The following CNBD1 variants were observed in gnomAD, a reference collection of about 807,000 sequenced individuals.
CNBD1 encodes the protein cyclic nucleotide binding domain containing 1.
A neutral mutation model predicts 54.4 loss-of-function variants in CNBD1; 71 were observed. The observed-to-expected ratio is 1.30, with a 90% CI of 1.08 to 1.59. CNBD1 has a LOEUF of 1.59. CNBD1 is among the 40% of genes most tolerant of loss of function. The probability of loss-of-function intolerance (pLI) is 0.00; values close to 1 mark genes in which losing one functional copy is unlikely to be tolerated. For synonymous variants in CNBD1, 182 were observed against 170.7 expected (o/e 1.07, Z -0.51); for missense variants, 659 against 518.0 (o/e 1.27, Z -2.64).
chr8:87,250,532 T>C (rs1020466336), intron 6 of CNBD1, among the ~76,000 whole-genome samples: 28 of 152,220 alleles, frequency 1.8e-4, no homozygotes, highest in African/African-American at 6.5e-4. Flanking sequence ...CCCATGTTTA[T>C]TGCAGCACTA....
At chr8:87,195,625 G>T (rs1196696761) in intron 4 of CNBD1, among the ~76,000 whole-genome samples, 2 of 150,806 alleles carry the variant, frequency 1.3e-5, no homozygotes, top group Non-Finnish European at 2.9e-5. Flanking sequence ...CCAGGCTAGA[G>T]TGCAATGGTG....
chr8:87,268,466 C>G (rs1418379271), intron 6 of CNBD1, among the ~76,000 whole-genome samples: 1 of 151,704 alleles, frequency 6.6e-6, no homozygotes, highest in Non-Finnish European at 1.5e-5. Context: ...GGGTATATAC[C>G]CAGTAGTGGG....
At chr8:87,281,345 C>T (rs2130866819) in intron 6 of CNBD1, among the ~76,000 whole-genome samples, 1 of 151,112 alleles carries the variant, frequency 6.6e-6, no homozygotes, top group Non-Finnish European at 1.5e-5. Flanking sequence ...AGTTTAGCTC[C>T]ATCACTATCC....
At chr8:87,280,553 TTAA>T (rs1808580924) in intron 6 of CNBD1, among the ~76,000 whole-genome samples, 1 of 151,566 alleles carries the variant, frequency 6.6e-6, no homozygotes, top group East Asian at 1.9e-4. Flanking sequence ...AAGCTACTAT[TTAA>T]AAATAGTAGC....
intron 4 of CNBD1, among the ~76,000 whole-genome samples, chr8:87,008,919 T>G (rs1809158328): frequency 6.6e-6 from 1 of 152,192 alleles, no homozygotes; most frequent in African/African-American, 2.4e-5. Flanking sequence ...TTATTCAGTC[T>G]GATAATCTTT....
intron 4 of CNBD1, among the ~76,000 whole-genome samples, chr8:87,020,261 C>G (rs1198008819): frequency 1.3e-5 from 2 of 151,940 alleles, no homozygotes; most frequent in Non-Finnish European, 2.9e-5. Flanking sequence ...TCCATCTCAC[C>G]CCTTAAACAA....
chr8:87,286,660 C>T lies in CNBD1; in HGVS notation c.1031C>T (p.Pro344Leu). ...LIALLKWKKF[P>L]PGHVIVESGN... The stretch of plus-strand genomic sequence containing the variant: ...GCACTCCTTAAATGGAAAAAATTTC[C>T]TCCAGGTCATGGTAAGTTTAATGCA... Residue 344 changes from proline (P) to leucine (L), a missense_variant, in exon 8 of 11, where the codon CCT (proline) becomes CTT (leucine). Transcript: ENST00000518476. The T allele has an allele frequency of 1.3e-6, 2 of 1,542,126 alleles. No individual in the cohort carries two copies. Among genetic ancestry groups the T allele is most frequent in the Non-Finnish European group, 1.8e-6 (2 of 1,140,436 alleles).
chr8:87,396,288 C>A (rs1811407850), intron 2 of CNBD1, among the ~76,000 whole-genome samples: 1 of 151,914 alleles, frequency 6.6e-6, no homozygotes, highest in Admixed American at 6.6e-5. Context: ...ACAATCTATG[C>A]AGTTATAGCA....
intron 4 of CNBD1, among the ~76,000 whole-genome samples, chr8:87,150,144 G>A (rs899515157): frequency 6.6e-6 from 1 of 151,978 alleles, no homozygotes; most frequent in African/African-American, 2.4e-5. Context: ...ACCACTGCAC[G>A]CCAGCCTGGG....
At chr8:87,221,665 A>G (rs1324595161) in intron 5 of CNBD1, among the ~76,000 whole-genome samples, 1 of 152,092 alleles carries the variant, frequency 6.6e-6, no homozygotes. Flanking sequence ...TCTTATAATT[A>G]TATACTTTGT....
intron 3 of CNBD1, among the ~76,000 whole-genome samples, chr8:86,933,271 A>C (rs1809486414): frequency 6.6e-6 from 1 of 152,174 alleles, no homozygotes; most frequent in Non-Finnish European, 1.5e-5. Context: ...ATAGTAGCCA[A>C]GTTTGTATAC....
rs532471517 is a variant in CNBD1 at position 87,156,081 on chromosome 8, G to A, written c.432-49912G>A. On this transcript the variant is annotated intron_variant, in intron 4 of 10. Transcript: ENST00000518476. ...GAAATAAACAGTAAGAAAAGAAAAA[G>A]TGGTTGAAGAGAAAATAACTTTTAA... Among the ~76,000 whole-genome samples, 14 of 151,798 alleles carry A rather than the reference G, an allele frequency of 9.2e-5. No homozygotes were observed. In the South Asian group the frequency reaches 2.7e-3, roughly 29 times the overall value.
intron 4 of CNBD1, among the ~76,000 whole-genome samples, chr8:87,094,237 C>T (rs1408840747): frequency 6.6e-5 from 10 of 151,976 alleles, no homozygotes; most frequent in Admixed American, 5.9e-4. Flanking sequence ...CTCTCTTTCC[C>T]GTAGCAGCTG....
intron 9 of CNBD1, 56 bp from the exon 10 acceptor site, chr8:87,353,580 T>G: frequency 2.6e-6 from 3 of 1,145,688 alleles, no homozygotes; most frequent in Non-Finnish European, 3.8e-6. Flanking sequence ...AAAACAATAC[T>G]GATTCATTAT....
intron 10 of CNBD1, among the ~76,000 whole-genome samples, chr8:87,365,534 C>T (rs1235110387): frequency 6.6e-6 from 1 of 151,942 alleles, no homozygotes; most frequent in Non-Finnish European, 1.5e-5. Context: ...CCACTTGTTC[C>T]ACTGTAAAAT....
At chr8:86,952,912 C>A (rs931895212) in intron 4 of CNBD1, among the ~76,000 whole-genome samples, 8 of 152,088 alleles carry the variant, frequency 5.3e-5, no homozygotes, top group African/African-American at 1.7e-4. Flanking sequence ...CACTTATCTG[C>A]TTTCTGTCAG....
intron 6 of CNBD1, among the ~76,000 whole-genome samples, chr8:87,280,866 T>C (rs1270659978): frequency 6.6e-6 from 1 of 151,482 alleles, no homozygotes; most frequent in Non-Finnish European, 1.5e-5. Context: ...TATTTTTCAG[T>C]AAAATAACAT....
intron 4 of CNBD1, among the ~76,000 whole-genome samples, chr8:87,053,341 T>C (rs2130626881): frequency 6.6e-6 from 1 of 152,336 alleles, no homozygotes; most frequent in East Asian, 1.9e-4. Flanking sequence ...GCCACGCTCT[T>C]GTACAAAAGA....
intron 6 of CNBD1, among the ~76,000 whole-genome samples, chr8:87,244,110 T>C (rs983504471): frequency 2.0e-5 from 3 of 152,124 alleles, no homozygotes; most frequent in Non-Finnish European, 2.9e-5. Context: ...ACCTTGGTTT[T>C]ACACATTTTA....
Sources: allele counts gnomAD v4.1 joint callset (sites outside exome capture counted in the v4.1 genomes callset), GRCh38; gene constraint gnomAD v4.1.1; transcripts MANE v1.5; gene names NCBI Gene and HGNC (gene_info 2026-07-23, HGNC 2026-07-21).